Variants in ZSCAN9 observed in about 807,000 individuals in gnomAD.
ZSCAN9 encodes zinc finger and SCAN domain containing 9.
ZSCAN9 carries 19 observed loss-of-function variants against 23.0 expected under a neutral mutation model. The ratio of observed to expected loss-of-function variants is 0.83; its 90% CI spans 0.58 to 1.21. ZSCAN9 has a LOEUF of 1.21. ZSCAN9 is among the 50% of genes most tolerant of loss of function. The pLI is 0.00. For synonymous variants in ZSCAN9, 155 were observed against 164.8 expected, an observed-to-expected ratio of 0.94 and a Z score of 0.46; for missense variants, 467 against 471.5, an observed-to-expected ratio of 0.99 and a Z score of 0.09.
chr6:28,232,653 G>C lies in ZSCAN9; in HGVS notation c.660G>C (p.Gln220His). The change falls in exon 4 of 4, where the codon CAG becomes CAC. Residue 220 changes from glutamine to histidine, a missense_variant. Physicochemically the swap from Gln to His is conservative, Grantham distance 24. Transcript: ENST00000252207. ...VEPHGKMFNEQTWEVSQQDPS... is the reference protein window; with the variant it reads ...VEPHGKMFNEHTWEVSQQDPS... ...CACATGGGAAAATGTTTAATGAGCA[G>C]ACCTGGGAGGTATCACAGCAGGATC... 6.2e-7 allele frequency: 1 copy of C among 1,614,174 alleles called. No individual in the cohort carries two copies. Among genetic ancestry groups the C allele is most frequent in the South Asian group, 1.1e-5 (1 of 91,072 alleles).
chr6:28,232,529 G>A, intron 3 of ZSCAN9, 33 bp from the exon 4 acceptor site: 1 of 1,582,522 alleles, frequency 6.3e-7, no homozygotes, highest in African/African-American at 1.4e-5. Context: ...CAGGGAACAA[G>A]TGACATTTAC....
At position 28,227,384 on chromosome 6, in the gene ZSCAN9, T is replaced by G. The variant is rs780450739; in HGVS notation, c.300T>G (p.Phe100Leu). The G allele has an allele frequency of 3.1e-6, 5 of 1,614,222 alleles. No individual in the cohort carries two copies. Among genetic ancestry groups the G allele is most frequent in the East Asian group, 2.2e-5 (1 of 44,884 alleles). Reference protein sequence around the residue: ...QILDLLVLEQFLSILPKELQG... With the variant: ...QILDLLVLEQLLSILPKELQG... ...TGGATCTGCTGGTGCTGGAGCAGTT[T>G]CTATCCATTCTGCCCAAGGAGCTCC... The change falls in exon 2 of 4, where the codon TTT becomes TTG. Residue 100 changes from phenylalanine to leucine, a missense_variant. Physicochemically the swap from Phe to Leu is conservative, Grantham distance 22. Coordinates refer to ENST00000252207, the MANE Select transcript of ZSCAN9 (RefSeq NM_006299.5).
At chr6:28,232,536 T>C in intron 3 of ZSCAN9, 26 bp from the exon 4 acceptor site, 1 of 1,589,606 alleles carries the variant, frequency 6.3e-7, no homozygotes, top group Non-Finnish European at 8.6e-7. Context: ...CAAGTGACAT[T>C]TACCTAGCCT....
chr6:28,230,505 G>A (rs1268157637), intron 3 of ZSCAN9: 1 of 1,534,478 alleles, frequency 6.5e-7, no homozygotes, highest in African/African-American at 1.4e-5. Flanking sequence ...ATTCTTGTAT[G>A]TGAGAGACAG....
At chr6:28,231,183 G>T (rs1760292205) in intron 3 of ZSCAN9, among the ~76,000 whole-genome samples, 3 of 152,036 alleles carry the variant, frequency 2.0e-5, no homozygotes, top group African/African-American at 7.2e-5. Context: ...ATAATAAAAT[G>T]GAACAATTAC....
chr6:28,225,630 A>G (rs183784296), intron 1 of ZSCAN9, among the ~76,000 whole-genome samples: 3 of 152,320 alleles, frequency 2.0e-5, no homozygotes, highest in East Asian at 1.9e-4. Flanking sequence ...ACTCAGGGAA[A>G]GAAACACCCG....
chr6:28,226,091 G>A (rs1760108168), intron 1 of ZSCAN9, among the ~76,000 whole-genome samples: 1 of 152,050 alleles, frequency 6.6e-6, no homozygotes, highest in Admixed American at 6.5e-5. Flanking sequence ...TTGACCTTGG[G>A]CAATCTACTT....
intron 1 of ZSCAN9, among the ~76,000 whole-genome samples, chr6:28,226,398 C>A (rs1414656387): frequency 1.3e-5 from 2 of 152,120 alleles, no homozygotes; most frequent in Non-Finnish European, 2.9e-5. Flanking sequence ...TTCATTTAGT[C>A]GACAGTAACA....
rs1760083157 is a variant in ZSCAN9, at chr6:28,225,293, GC to G, written c.-145del. The stretch of plus-strand genomic sequence containing the variant: ...GGTCGGCATCTTTGTTCCCTGCCCG[GC>G]CATTGTTCGTGCCGCGCTTCTAGCA... On this transcript the variant is annotated 5_prime_UTR_variant, in exon 1 of 4. Transcript: ENST00000252207. 1 of 152,138 alleles carries G rather than the reference GC, an allele frequency of 6.6e-6. No individual in the cohort carries two copies. The highest frequency in any genetic ancestry group is 6.5e-5 in the Admixed American group (1 of 15,274). The allele number at this position is 152,138 out of a possible 1,614,324, so 9.4% of individuals were successfully genotyped here. A position where few individuals can be genotyped will look rare whatever the true frequency, so the allele number is the denominator to read the frequency against.
intron 3 of ZSCAN9, among the ~76,000 whole-genome samples, chr6:28,231,129 T>C: frequency 6.6e-6 from 1 of 152,334 alleles, no homozygotes; most frequent in East Asian, 1.9e-4. Context: ...AGATAAAGTT[T>C]AATTTATAAA....
At position 28,232,704 on chromosome 6, in the gene ZSCAN9, T is replaced by C. The variant is rs1760349781; in HGVS notation, c.711T>C (p.His237=). 1 of 1,613,978 alleles carries C rather than the reference T, an allele frequency of 6.2e-7. No individual in the cohort carries two copies. The highest frequency in any genetic ancestry group is 8.5e-7 in the Non-Finnish European group (1 of 1,180,018). Residue 237 remains histidine, a synonymous_variant, in exon 4 of 4, where the codon CAT becomes CAC. Coordinates refer to ENST00000252207, the MANE Select transcript of ZSCAN9 (RefSeq NM_006299.5). ...CCTCACATGGAGAAGTTGGTGAACATAAGGATAGGATAGAGAGGCAGTGGG... is the reference window on the plus strand; with the variant it reads ...CCTCACATGGAGAAGTTGGTGAACACAAGGATAGGATAGAGAGGCAGTGGG... ...QDPSHGEVGE[H]KDRIERQWGN... is the part of the protein sequence containing the mutation.
rs138497434 is a variant in ZSCAN9, at chr6:28,233,117, T to G, written c.1124T>G (p.Phe375Cys). ...CAGTGCATTGAATGTGGGAAAAGCTTTAATCGACACTGCAACCTCATTCGC... is the reference window on the plus strand; with the variant it reads ...CAGTGCATTGAATGTGGGAAAAGCTGTAATCGACACTGCAACCTCATTCGC... ...PHQCIECGKS[F>C]NRHCNLIRHQ... is the part of the protein sequence containing the mutation. Residue 375 changes from phenylalanine to cysteine, a missense_variant, in exon 4 of 4, where the codon TTT (phenylalanine) becomes TGT (cysteine). Coordinates refer to ENST00000252207, the MANE Select transcript of ZSCAN9 (RefSeq NM_006299.5). The G allele has an allele frequency of 6.2e-7, 1 of 1,614,038 alleles. No homozygotes were observed. Among genetic ancestry groups the G allele is most frequent in the African/African-American group, 1.3e-5 (1 of 74,914 alleles).
Position 28,227,450 on chromosome 6 carries a change from G to C in ZSCAN9, c.366G>C (p.Glu122Asp). 6.2e-7 allele frequency: 1 copy of C among 1,613,106 alleles called. No individual in the cohort carries two copies. Among genetic ancestry groups the C allele is most frequent in the Non-Finnish European group, 8.5e-7 (1 of 1,179,506 alleles). Reference sequence around the variant, plus strand: ...AACACTGTCCAGAGAGTGGAGAAGAGGCTGTGATTTTGCTGGAGGATCTGG... The same window carrying C: ...AACACTGTCCAGAGAGTGGAGAAGACGCTGTGATTTTGCTGGAGGATCTGG... Reference protein sequence around the residue: ...VREHCPESGEEAVILLEDLER... With the variant: ...VREHCPESGEDAVILLEDLER... The change falls in exon 2 of 4, where the codon GAG (glutamate) becomes GAC (aspartate). Residue 122 changes from glutamate to aspartate, a missense_variant. Coordinates refer to ENST00000252207, the MANE Select transcript of ZSCAN9 (RefSeq NM_006299.5).
At chr6:28,230,970 T>C (rs1391438306) in intron 3 of ZSCAN9, among the ~76,000 whole-genome samples, 1 of 152,162 alleles carries the variant, frequency 6.6e-6, no homozygotes, top group Admixed American at 6.5e-5. Flanking sequence ...ATGATGGGAA[T>C]GCACCTTGGA....
At chr6:28,227,669 A>G (rs1264714377) in intron 2 of ZSCAN9, 21 bp from the exon 3 acceptor site, 3 of 1,583,346 alleles carry the variant, frequency 1.9e-6, no homozygotes, top group East Asian at 4.5e-5. Flanking sequence ...CAAAAGTCAA[A>G]TCTTGTCTTT....
chr6:28,226,684 T>C (rs1176210800), intron 1 of ZSCAN9, among the ~76,000 whole-genome samples: 1 of 152,140 alleles, frequency 6.6e-6, no homozygotes, highest in East Asian at 1.9e-4. Context: ...TCCCAGCACT[T>C]TGGGAAGCCA....
At chr6:28,232,433 A>G (rs1760337137) in intron 3 of ZSCAN9, 129 bp from the exon 4 acceptor site, 1 of 1,451,890 alleles carries the variant, frequency 6.9e-7, no homozygotes, top group Non-Finnish European at 9.1e-7. Context: ...CGTAGGGGAA[A>G]GTGTTACCAC....
At chr6:28,232,165 G>T (rs576920261) in intron 3 of ZSCAN9, among the ~76,000 whole-genome samples, 2 of 152,204 alleles carry the variant, frequency 1.3e-5, no homozygotes, top group South Asian at 2.1e-4. Flanking sequence ...AACCGCGTCT[G>T]TACTAAAAAT....
In ZSCAN9 at chr6:28,227,264, C is replaced by T. The variant is rs202101375; in HGVS notation, c.180C>T (p.Tyr60=). Residue 60 remains tyrosine, a synonymous_variant, in exon 2 of 4, where the codon TAC becomes TAT. Coordinates refer to ENST00000252207, the MANE Select transcript of ZSCAN9 (RefSeq NM_006299.5). ...GAAGGCACTTTCGACAGCTGTGCTACCAAGAGACCCCTGGACCAAGGGAGG... is the reference window on the plus strand; with the variant it reads ...GAAGGCACTTTCGACAGCTGTGCTATCAAGAGACCCCTGGACCAAGGGAGG... The part of the protein sequence containing the change: ...IFRRHFRQLC[Y]QETPGPREAL... The T allele has an allele frequency of 3.7e-6, 6 of 1,614,194 alleles. No homozygotes were observed. The highest frequency in any genetic ancestry group is 1.3e-5 in the African/African-American group (1 of 75,048).
Sources: gnomAD v4.1 joint callset for allele counts (sites outside exome capture counted in the v4.1 genomes callset) on GRCh38, gnomAD v4.1.1 for gene constraint, MANE v1.5 for transcripts, NCBI Gene and HGNC (gene_info 2026-07-23, HGNC 2026-07-21) for gene names.